The following SCN11A variants were observed in gnomAD, a reference collection of about 807,000 sequenced individuals.
The protein encoded by SCN11A is sodium voltage-gated channel alpha subunit 11, also known as sodium channel protein type 11 subunit alpha.
A neutral mutation model predicts 162.2 loss-of-function variants in SCN11A; 122 were observed. The ratio of observed to expected loss-of-function variants is 0.75; its 90% CI spans 0.65 to 0.87. The LOEUF (loss-of-function observed/expected upper bound fraction) is 0.87, where lower values mean the gene tolerates loss of function less well. SCN11A is among the 40% of genes least tolerant of loss of function. SCN11A has a pLI of 0.00. For missense variants in SCN11A, 2,015 were observed against 2,181.6 expected (o/e 0.92, Z 1.52); for synonymous variants, 758 against 751.5 (o/e 1.01, Z -0.14).
chr3:39,040,684 T>C (rs1269041664), intron 1 of SCN11A, among the ~76,000 whole-genome samples: 2 of 152,206 alleles, frequency 1.3e-5, no homozygotes, highest in African/African-American at 4.8e-5. Flanking sequence ...ATATATTATT[T>C]TTTTAAAAGA....
chr3:38,919,795 T>G (rs1299852882), intron 11 of SCN11A, 140 bp downstream of exon 11: 1 of 669,846 alleles, frequency 1.5e-6, no homozygotes, highest in East Asian at 2.8e-5. Context: ...AACACAAGTC[T>G]AAACATGTTT....
Position 38,985,490 on chromosome 3 carries a change from G to C in SCN11A, c.-279-25067C>G, listed in dbSNP as rs558832658. Among the ~76,000 whole-genome samples, 30 of 150,996 alleles carry C rather than the reference G, an allele frequency of 2.0e-4. 1 individual carries two copies. The highest frequency in any genetic ancestry group is 3.5e-4 in the Non-Finnish European group (24 of 68,006). On this transcript the variant is annotated intron_variant, in intron 2 of 29. Transcript: ENST00000302328. ...GTGTAAAAATGAAAAGATCAGTGGG[G>C]ACACTGTTGCAGGAGTGCAGGCTGG...
chr3:39,031,540 A>AC lies in SCN11A; in HGVS notation c.-280+839_-280+840insG, dbSNP rs1202111486. Among the ~76,000 whole-genome samples the AC allele has an allele frequency of 5.9e-4, 79 of 133,296 alleles. 1 individual carries two copies. The highest frequency in any genetic ancestry group is 3.1e-3 in the African/African-American group (76 of 24,510). 87.4% of individuals were successfully genotyped at this position (133,296 alleles called of 152,430 possible). On this transcript the variant is annotated intron_variant, in intron 2 of 29. Transcript: ENST00000302328. ...GATTCTGTCAAACAAAAAACAAACA[A>AC]ACAAAAAAAAAACAAACAAAGAAGG...
intron 27 of SCN11A, 117 bp from the exon 28 acceptor site, chr3:38,863,416 T>G: frequency 3.3e-6 from 2 of 615,258 alleles, no homozygotes; most frequent in East Asian, 5.5e-5. Context: ...TCTTAAAATT[T>G]CAATGGTAAG....
chr3:39,029,584 AG>A (rs760907624), intron 2 of SCN11A, among the ~76,000 whole-genome samples: 2 of 152,250 alleles, frequency 1.3e-5, no homozygotes, highest in Non-Finnish European at 2.9e-5. Context: ...AGTACAACTC[AG>A]GGCATTTAGA....
At chr3:38,939,016 T>C (rs999916765) in intron 7 of SCN11A, among the ~76,000 whole-genome samples, 2 of 151,804 alleles carry the variant, frequency 1.3e-5, no homozygotes, top group African/African-American at 2.4e-5. Context: ...CTACTAAAAA[T>C]ACAAAAATTA....
intron 4 of SCN11A, among the ~76,000 whole-genome samples, chr3:38,951,456 G>A (rs528861240): frequency 1.3e-5 from 2 of 152,252 alleles, no homozygotes; most frequent in African/African-American, 2.4e-5. Context: ...GCTCCTGTGC[G>A]GCCGGAGCCT....
chr3:38,930,689 T>C (rs1273242968), intron 7 of SCN11A, among the ~76,000 whole-genome samples: 1 of 152,206 alleles, frequency 6.6e-6, no homozygotes, highest in Non-Finnish European at 1.5e-5. Flanking sequence ...TGACCATTGA[T>C]GGGACAGGCA....
At chr3:39,023,187 G>A (rs1318378876) in intron 2 of SCN11A, among the ~76,000 whole-genome samples, 2 of 152,170 alleles carry the variant, frequency 1.3e-5, no homozygotes, top group East Asian at 3.8e-4. Flanking sequence ...ACTGGATGGG[G>A]ACACAGCTGG....
At chr3:38,911,927 T>C (rs924730098) in intron 11 of SCN11A, among the ~76,000 whole-genome samples, 1 of 152,180 alleles carries the variant, frequency 6.6e-6, no homozygotes, top group African/African-American at 2.4e-5. Flanking sequence ...GGCTTTATCT[T>C]GGCCTCCTTT....
intron 29 of SCN11A, 69 bp downstream of exon 29, chr3:38,850,412 C>CA: frequency 6.9e-7 from 1 of 1,441,958 alleles, no homozygotes; most frequent in Non-Finnish European, 9.5e-7. Flanking sequence ...GAACAAACTT[C>CA]AAAAAATGAT....
chr3:38,849,327 T>C (rs555886547), intron 29 of SCN11A: 6 of 136,600 alleles, frequency 4.4e-5, no homozygotes, highest in South Asian at 2.5e-4. Flanking sequence ...AATTGACTAA[T>C]AAAAATTAAA....
intron 13 of SCN11A, among the ~76,000 whole-genome samples, chr3:38,908,534 G>A (rs912016254): frequency 1.3e-5 from 2 of 152,156 alleles, no homozygotes; most frequent in African/African-American, 4.8e-5. Flanking sequence ...CTGGAAGAAT[G>A]TAAAGATTCC....
intron 2 of SCN11A, among the ~76,000 whole-genome samples, chr3:38,990,692 C>A (rs142427302): frequency 3.1e-4 from 47 of 152,284 alleles, no homozygotes; most frequent in African/African-American, 1.1e-3. Flanking sequence ...TTAACACATT[C>A]ATTCCTCCCC....
intron 2 of SCN11A, among the ~76,000 whole-genome samples, chr3:39,022,828 C>T (rs889795209): frequency 3.3e-5 from 5 of 151,834 alleles, no homozygotes; most frequent in Non-Finnish European, 7.4e-5. Flanking sequence ...GCAGTGAGCC[C>T]TGATCATGCC....
intron 25 of SCN11A, among the ~76,000 whole-genome samples, chr3:38,870,995 C>T (rs181062061): frequency 6.6e-6 from 1 of 152,246 alleles, no homozygotes; most frequent in Admixed American, 6.5e-5. Context: ...TTAAAAGTTA[C>T]CAGAGAGGCT....
At chr3:38,923,968 G>A (rs572070736) in intron 9 of SCN11A, among the ~76,000 whole-genome samples, 29 of 152,294 alleles carry the variant, frequency 1.9e-4, no homozygotes, top group African/African-American at 6.7e-4. Context: ...CCTATTAGAA[G>A]AATCCCATAT....
chr3:39,036,870 AGTG>A (rs1407568309), intron 1 of SCN11A, among the ~76,000 whole-genome samples: 3 of 152,256 alleles, frequency 2.0e-5, no homozygotes, highest in Non-Finnish European at 4.4e-5. Context: ...ATATACTGTT[AGTG>A]GGAATGTAAA....
At chr3:38,925,547 A>G (rs1470295254) in intron 8 of SCN11A, 38 bp from the exon 9 acceptor site, 31 of 1,427,620 alleles carry the variant, frequency 2.2e-5, no homozygotes, top group Non-Finnish European at 2.9e-5. Context: ...GGGCTTGCTC[A>G]GTCCTGCAGC....
Sources: allele counts gnomAD v4.1 joint callset (sites outside exome capture counted in the v4.1 genomes callset), GRCh38; gene constraint gnomAD v4.1.1; transcripts MANE v1.5; gene names NCBI Gene and HGNC (gene_info 2026-07-23, HGNC 2026-07-21).